Variants in CIITA observed in about 807,000 individuals in gnomAD.
CIITA encodes class II major histocompatibility complex transactivator, also known as MHC class II transactivator.
CIITA carries 72 observed loss-of-function variants against 115.1 expected under a neutral mutation model. The observed-to-expected ratio is 0.63, with a 90% CI of 0.52 to 0.76. CIITA has a LOEUF of 0.76. Ranked by LOEUF, CIITA falls within the 30% of genes least tolerant of loss-of-function variation. The pLI, the probability that CIITA is intolerant of heterozygous loss-of-function variation, is 0.00. For synonymous variants in CIITA, 763 were observed against 635.6 expected, an observed-to-expected ratio of 1.20 and a Z score of -3.02; for missense variants, 1,617 against 1,463.8, an observed-to-expected ratio of 1.10 and a Z score of -1.71.
intron 1 of CIITA, among the ~76,000 whole-genome samples, chr16:10,882,270 C>A (rs1410623408): frequency 1.3e-5 from 2 of 152,016 alleles, no homozygotes; most frequent in African/African-American, 4.8e-5. Context: ...CAATATGACC[C>A]CAAAAATTGT....
chr16:10,926,141 A>G lies in CIITA; in HGVS notation c.*2286A>G, dbSNP rs576462142. 6 of 152,314 alleles carry G rather than the reference A, an allele frequency of 3.9e-5. No homozygotes were observed. In the East Asian group the frequency reaches 1.2e-3, roughly 29 times the overall value. The allele number at this position is 152,314 out of a possible 1,614,324, so 9.4% of individuals were successfully genotyped here. A position where few individuals can be genotyped will look rare whatever the true frequency, so the allele number is the denominator to read the frequency against. ...TGCCCACAGGATCAGTCTGATTCCC[A>G]AGCTCTGCTCCTCTCCCCAGCAAGT... On this transcript the variant is annotated 3_prime_UTR_variant, in exon 20 of 20. Transcript: ENST00000324288.
chr16:10,915,694 C>T, intron 14 of CIITA, 44 bp downstream of exon 14: 1 of 1,529,234 alleles, frequency 6.5e-7, no homozygotes. Flanking sequence ...CATCTGGGTG[C>T]AGTGCTGTGA....
In CIITA at chr16:10,895,390, T is replaced by G. The variant is rs761121837; in HGVS notation, c.161T>G (p.Met54Arg). ...PLCLYHFYDQMDLAGEEEIEL... is the reference protein window; with the variant it reads ...PLCLYHFYDQRDLAGEEEIEL... The stretch of plus-strand genomic sequence containing the variant: ...TGCCTCTACCACTTCTATGACCAGA[T>G]GGACCTGGCTGGAGAAGAAGAGATT... Residue 54 changes from methionine (M) to arginine (R), a missense_variant, in exon 2 of 20, where the codon ATG becomes AGG. Coordinates refer to ENST00000324288, the MANE Select transcript of CIITA (RefSeq NM_000246.4). 70 of 1,613,964 alleles carry G rather than the reference T, an allele frequency of 4.3e-5. No individual in the cohort carries two copies. Among genetic ancestry groups the G allele is most frequent in the Non-Finnish European group, 5.5e-5 (65 of 1,180,036 alleles).
At chr16:10,878,655 T>C (rs2036081977) in intron 1 of CIITA, among the ~76,000 whole-genome samples, 1 of 152,162 alleles carries the variant, frequency 6.6e-6, no homozygotes, top group Admixed American at 6.5e-5. Flanking sequence ...CACCCAGGGG[T>C]GGGGACAAGC....
Position 10,929,118 on chromosome 16 carries a change from C to T in CIITA, c.*5263C>T, listed in dbSNP as rs1190318014. On this transcript the variant is annotated 3_prime_UTR_variant, in exon 20 of 20. Transcript: ENST00000324288. The surrounding 1 kb of genome is among the most constrained non-coding windows in gnomAD (Gnocchi z 4.3). ...AATCCCACCCTCAGCCCCCCAACAG[C>T]TTCCTCAGCTTCTTTTTCTTCTGAG... The T allele has an allele frequency of 1.3e-6, 1 of 763,118 alleles. No homozygotes were observed. Among genetic ancestry groups the T allele is most frequent in the Admixed American group, 6.3e-5 (1 of 16,000 alleles). The allele number at this position is 763,118 out of a possible 1,614,324, so 47.3% of individuals were successfully genotyped here.
chr16:10,919,717 G>A (rs1255572009), intron 16 of CIITA, among the ~76,000 whole-genome samples: 1 of 151,964 alleles, frequency 6.6e-6, no homozygotes, highest in Non-Finnish European at 1.5e-5. Flanking sequence ...ATTTATGTAG[G>A]TGCTTACTTC....
At chr16:10,905,742 A>G (rs1327959767) in intron 10 of CIITA, among the ~76,000 whole-genome samples, 1 of 151,994 alleles carries the variant, frequency 6.6e-6, no homozygotes, top group Admixed American at 6.6e-5. Flanking sequence ...AGCCTGGGGC[A>G]CAGGGCAGGA....
intron 15 of CIITA, among the ~76,000 whole-genome samples, chr16:10,917,602 C>A (rs1009572097): frequency 6.6e-6 from 1 of 152,006 alleles, no homozygotes; most frequent in Admixed American, 6.6e-5. Context: ...ACCTCAGCCT[C>A]CCAAGTAGCT....
intron 16 of CIITA, 46 bp downstream of exon 16, chr16:10,918,572 G>C: frequency 6.4e-7 from 1 of 1,550,542 alleles, no homozygotes; most frequent in African/African-American, 1.4e-5. Flanking sequence ...CTGGGGGGCT[G>C]CAGAGCGCAG....
intron 1 of CIITA, among the ~76,000 whole-genome samples, chr16:10,871,563 A>C (rs992139754): frequency 2.6e-5 from 4 of 152,164 alleles, no homozygotes; most frequent in Non-Finnish European, 4.4e-5. Context: ...CGCCTGATTT[A>C]TTGGAAAGGG....
Position 10,929,358 on chromosome 16 carries a change from C to T in CIITA, c.*5503C>T. On this transcript the variant is annotated 3_prime_UTR_variant, in exon 20 of 20. Transcript: ENST00000324288. This position sits in a 1 kb window ranked among gnomAD's most constrained non-coding sequence, Gnocchi z 4.3. Reference sequence around the variant, plus strand: ...GCTGGGTTCCTGTAAACATCCATCGCAGCTGCAAATAATCAGAAGCCAAGG... The same window carrying T: ...GCTGGGTTCCTGTAAACATCCATCGTAGCTGCAAATAATCAGAAGCCAAGG... 1.0e-6 allele frequency: 1 copy of T among 985,942 alleles called. No individual in the cohort carries two copies. The highest frequency in any genetic ancestry group is 1.2e-6 in the Non-Finnish European group (1 of 829,962). 61.1% of individuals were successfully genotyped at this position (985,942 alleles called of 1,614,324 possible). A position where few individuals can be genotyped will look rare whatever the true frequency, so the allele number is the denominator to read the frequency against.
At chr16:10,870,441 A>G (rs369444161) in intron 1 of CIITA, among the ~76,000 whole-genome samples, 1 of 152,326 alleles carries the variant, frequency 6.6e-6, no homozygotes, top group South Asian at 2.1e-4. Context: ...GTGAGTCCCA[A>G]GAGTCAAAGT....
chr16:10,915,437 G>T (rs568882607), intron 13 of CIITA, 133 bp from the exon 14 acceptor site: 5 of 741,192 alleles, frequency 6.7e-6, no homozygotes, highest in African/African-American at 3.4e-5. Context: ...GGACCTAAGA[G>T]GCTGGGGTGG....
rs1183108825 is a variant in CIITA, at chr16:10,901,858, A to C, written c.482-180A>C. ...TAGCTCTCAGAGCCAAGTCACAAGG[A>C]GAGGACTGGGGGACTGCCTGGCACA... On this transcript the variant is annotated intron_variant, in intron 6 of 19. Coordinates refer to ENST00000324288, the MANE Select transcript of CIITA (RefSeq NM_000246.4). The surrounding 1 kb of genome is among the most constrained non-coding windows in gnomAD (Gnocchi z 6.8). The C allele has an allele frequency of 1.1e-6, 1 of 895,778 alleles. No individual in the cohort carries two copies. The highest frequency in any genetic ancestry group is 1.8e-6 in the Non-Finnish European group (1 of 562,732). The allele number at this position is 895,778 out of a possible 1,614,324, so 55.5% of individuals were successfully genotyped here.
intron 1 of CIITA, among the ~76,000 whole-genome samples, chr16:10,893,644 A>G (rs1259875876): frequency 6.6e-6 from 1 of 151,870 alleles, no homozygotes; most frequent in East Asian, 1.9e-4. Context: ...CACTGTCTCT[A>G]CTAAAAATGC....
intron 3 of CIITA, 142 bp downstream of exon 3, chr16:10,895,906 G>A: frequency 1.2e-6 from 1 of 837,048 alleles, no homozygotes; most frequent in Non-Finnish European, 2.0e-6. Context: ...AGCAATGGCT[G>A]GAGGAACGGA....
Position 10,895,819 on chromosome 16 carries a change from G to A in CIITA, c.295+55G>A, listed in dbSNP as rs564890202. The A allele has an allele frequency of 2.6e-6, 4 of 1,553,362 alleles. No homozygotes were observed. In the South Asian group the frequency reaches 4.5e-5, roughly 17 times the overall value. On this transcript the variant is annotated intron_variant, in intron 3 of 19. Coordinates refer to ENST00000324288, the MANE Select transcript of CIITA (RefSeq NM_000246.4). ...CAATCAAGGGCAAGAGTTCTTTGCT[G>A]CCACTTGTCAATATCACCCATTCAT...
chr16:10,904,163 C>T (rs1334125514), intron 9 of CIITA, among the ~76,000 whole-genome samples: 2 of 152,088 alleles, frequency 1.3e-5, no homozygotes. Context: ...GTGGTCAGAT[C>T]TTTTGAAGTT....
Position 10,916,162 on chromosome 16 carries a change from CTT to C in CIITA, c.2970-203_2970-202del, listed in dbSNP as rs2039935898. On this transcript the variant is annotated intron_variant, in intron 14 of 19. Transcript: ENST00000324288. ...GGATTCAAGTCCATCATGAGTTAGA[CTT>C]TGCCCTCTGGCTGCCTGGTTGGAGC... is the stretch of plus-strand genomic sequence containing the variant. Among the ~76,000 whole-genome samples, 6 of 152,348 alleles carry C rather than the reference CTT, an allele frequency of 3.9e-5. No individual in the cohort carries two copies. In the South Asian group the frequency reaches 1.2e-3, roughly 32 times the overall value.
Sources: allele counts gnomAD v4.1 joint callset (sites outside exome capture counted in the v4.1 genomes callset), GRCh38; gene constraint gnomAD v4.1.1; non-coding constraint Gnocchi (gnomAD v3.1); transcripts MANE v1.5; gene names NCBI Gene and HGNC (gene_info 2026-07-23, HGNC 2026-07-21).